METTL15: variants seen among roughly 807,000 people sequenced by gnomAD.
METTL15 encodes the protein 12S rRNA N(4)-cytidine methyltransferase METTL15.
Under a neutral mutation model 38.3 loss-of-function variants are expected in METTL15, and 34 were observed. The observed-to-expected ratio is 0.89, with a 90% CI of 0.68 to 1.18. METTL15 has a LOEUF of 1.18. Ranked by LOEUF, METTL15 falls within the 50% of genes most tolerant of loss-of-function variation. The pLI is 0.00. For synonymous variants in METTL15, 162 were observed against 170.9 expected (o/e 0.95, Z 0.41); for missense variants, 438 against 498.4 (o/e 0.88, Z 1.15).
At chr11:28,115,891 C>T (rs1851923372) in intron 3 of METTL15, among the ~76,000 whole-genome samples, 1 of 150,128 alleles carries the variant, frequency 6.7e-6, no homozygotes, top group Non-Finnish European at 1.5e-5. Context: ...TATATATATA[C>T]ACATACATAT....
intron 6 of METTL15, among the ~76,000 whole-genome samples, chr11:28,438,672 CTTTTTT>C: frequency 7.8e-6 from 1 of 128,224 alleles, no homozygotes; most frequent in African/African-American, 2.9e-5. Context: ...TTTCTTTTTT[CTTTTTT>C]TTTTTTTTTT....
intron 6 of METTL15, among the ~76,000 whole-genome samples, chr11:28,313,875 A>G (rs1045057677): frequency 2.6e-5 from 4 of 152,172 alleles, no homozygotes; most frequent in South Asian, 2.1e-4. Flanking sequence ...TTTCTAAGCT[A>G]AAGTCTCAAA....
intron 4 of METTL15, among the ~76,000 whole-genome samples, chr11:28,272,453 C>A (rs959083487): frequency 2.9e-4 from 44 of 152,246 alleles, no homozygotes; most frequent in Middle Eastern, 3.4e-3. Flanking sequence ...TCATTCTCAG[C>A]AAACTAACAC....
At chr11:28,519,780 A>G (rs1387870685) in intron 6 of METTL15, among the ~76,000 whole-genome samples, 1 of 152,170 alleles carries the variant, frequency 6.6e-6, no homozygotes, top group Non-Finnish European at 1.5e-5. Context: ...AAAAAATAGC[A>G]TAGACATCAC....
intron 5 of METTL15, among the ~76,000 whole-genome samples, chr11:28,416,571 G>T (rs1850774157): frequency 6.6e-6 from 1 of 152,216 alleles, no homozygotes; most frequent in Admixed American, 6.5e-5. Context: ...GTATCTAAGA[G>T]TGAAACCAGG....
rs200997835 is a variant in METTL15 at position 28,340,087 on chromosome 11, G to GAT, written c.*190-12001_*190-12000dup. Among the ~76,000 whole-genome samples, 971 of 152,140 alleles carry GAT rather than the reference G, an allele frequency of 6.4e-3. 15 individuals are homozygous for GAT. The highest frequency in any genetic ancestry group is 0.022 in the African/African-American group (925 of 41,538). ...AAATTATGAAGCTGAAGGGTCAGGA[G>GAT]ATAGAGAAGTATACGTACACTAATT... On this transcript the variant is annotated intron_variant and NMD_transcript_variant, in intron 3 of 7. Coordinates refer to the METTL15 transcript ENST00000532947.
intron 4 of METTL15, among the ~76,000 whole-genome samples, chr11:28,220,842 A>G (rs1468083914): frequency 6.6e-6 from 1 of 152,144 alleles, no homozygotes; most frequent in Non-Finnish European, 1.5e-5. Context: ...GCTGGATATG[A>G]AATTCTGGAT....
chr11:28,183,439 C>G (rs1189585140), intron 3 of METTL15, among the ~76,000 whole-genome samples: 2 of 151,902 alleles, frequency 1.3e-5, no homozygotes, highest in Non-Finnish European at 2.9e-5. Context: ...CCCTTAGATA[C>G]CTAGTTTATT....
downstream of METTL15, among the ~76,000 whole-genome samples, chr11:28,530,767 A>C (rs947701852): frequency 3.3e-5 from 5 of 152,078 alleles, no homozygotes; most frequent in Non-Finnish European, 7.4e-5. Flanking sequence ...GTAATAATGA[A>C]AGAAAAACTC....
intron 4 of METTL15, among the ~76,000 whole-genome samples, chr11:28,274,712 A>G (rs1270680336): frequency 6.6e-6 from 1 of 151,896 alleles, no homozygotes; most frequent in Admixed American, 6.6e-5. Context: ...TCATTTTTAG[A>G]TACTTGGTTG....
intron 5 of METTL15, among the ~76,000 whole-genome samples, chr11:28,384,826 C>T (rs1590354953): frequency 6.6e-6 from 1 of 151,958 alleles, no homozygotes. Context: ...TTTTTTAATA[C>T]TTGCCATTTT....
chr11:28,369,612 A>T (rs1175458887), intron 5 of METTL15, among the ~76,000 whole-genome samples: 3 of 152,186 alleles, frequency 2.0e-5, no homozygotes, highest in Non-Finnish European at 2.9e-5. Context: ...CTCAGCAGAA[A>T]CATTGGTAGT....
chr11:28,143,538 T>C (rs1477950199), intron 3 of METTL15, among the ~76,000 whole-genome samples: 2 of 152,146 alleles, frequency 1.3e-5, no homozygotes, highest in East Asian at 3.9e-4. Flanking sequence ...CTTCTTCTTT[T>C]GTACTTTGCT....
At chr11:28,530,112 A>G (rs1851836149), downstream of METTL15, among the ~76,000 whole-genome samples, 1 of 152,122 alleles carries the variant, frequency 6.6e-6, no homozygotes, top group Non-Finnish European at 1.5e-5. Context: ...AAAGATTAGA[A>G]ATGCTATCAT....
chr11:28,156,988 C>A (rs1850286371), intron 3 of METTL15, among the ~76,000 whole-genome samples: 1 of 152,120 alleles, frequency 6.6e-6, no homozygotes, highest in Non-Finnish European at 1.5e-5. Context: ...TGGTATTTAA[C>A]CCTTATTCCT....
chr11:28,357,265 C>A (rs994454976), intron 4 of METTL15, among the ~76,000 whole-genome samples: 23 of 152,162 alleles, frequency 1.5e-4, no homozygotes, highest in Admixed American at 9.8e-4. Context: ...TATCAGTTTT[C>A]TCCTTAATAA....
intron 5 of METTL15, among the ~76,000 whole-genome samples, chr11:28,384,889 A>T (rs1850424951): frequency 6.6e-6 from 1 of 152,076 alleles, no homozygotes; most frequent in African/African-American, 2.4e-5. Context: ...TTCTCTAATG[A>T]TTGGTAATGT....
At chr11:28,466,018 AT>A (rs1025018933) in intron 6 of METTL15, among the ~76,000 whole-genome samples, 20 of 152,174 alleles carry the variant, frequency 1.3e-4, no homozygotes, top group African/African-American at 4.3e-4. Flanking sequence ...ATTAATTACA[AT>A]TTTTTATTGC....
At chr11:28,474,188 T>C (rs1851326235) in intron 6 of METTL15, among the ~76,000 whole-genome samples, 1 of 151,720 alleles carries the variant, frequency 6.6e-6, no homozygotes. Flanking sequence ...TAACAGAAAA[T>C]ATTTATTACA....
Sources: allele counts gnomAD v4.1 joint callset (sites outside exome capture counted in the v4.1 genomes callset), GRCh38; gene constraint gnomAD v4.1.1; transcripts MANE v1.5; gene names NCBI Gene and HGNC (gene_info 2026-07-23, HGNC 2026-07-21).